The following ADAMTS15 variants were observed in gnomAD, a reference collection of about 807,000 sequenced individuals.
ADAMTS15 encodes the protein A disintegrin and metalloproteinase with thrombospondin motifs 15.
A neutral mutation model predicts 79.1 loss-of-function variants in ADAMTS15; 35 were observed. The observed-to-expected ratio is 0.44, with a 90% CI of 0.34 to 0.59. ADAMTS15 has a LOEUF of 0.59. Ranked by LOEUF, ADAMTS15 falls within the 20% of genes least tolerant of loss-of-function variation. The pLI, the probability that ADAMTS15 is intolerant of heterozygous loss-of-function variation, is 0.02. For missense variants in ADAMTS15, 1,324 were observed against 1,318.7 expected, an observed-to-expected ratio of 1.00 and a Z score of -0.06; for synonymous variants, 616 against 567.3, an observed-to-expected ratio of 1.09 and a Z score of -1.22.
intron 4 of ADAMTS15, among the ~76,000 whole-genome samples, chr11:130,467,969 T>C (rs965343092): frequency 6.6e-6 from 1 of 152,204 alleles, no homozygotes; most frequent in African/African-American, 2.4e-5. Flanking sequence ...GCATCAAGTC[T>C]GAATTATAGA....
At chr11:130,470,704 G>A (rs1431536418) in intron 5 of ADAMTS15, among the ~76,000 whole-genome samples, 1 of 152,176 alleles carries the variant, frequency 6.6e-6, no homozygotes, top group Non-Finnish European at 1.5e-5. Context: ...GGTTACTGGA[G>A]AAGGTTGTGC....
chr11:130,470,168 A>ATGTATGTATG (rs1555081039), intron 5 of ADAMTS15, among the ~76,000 whole-genome samples: 4 of 58,688 alleles, frequency 6.8e-5, no homozygotes, highest in Admixed American at 1.6e-4. Context: ...ATATATATAT[A>ATGTATGTATG]TATATATATA....
chr11:130,459,740 A>G (rs1289558206), intron 1 of ADAMTS15, among the ~76,000 whole-genome samples: 1 of 152,182 alleles, frequency 6.6e-6, no homozygotes, highest in Non-Finnish European at 1.5e-5. Flanking sequence ...AGGTGTGACT[A>G]TCATCTGACC....
chr11:130,470,174 A>ATATGTG (rs1555081057), intron 5 of ADAMTS15, among the ~76,000 whole-genome samples: 17 of 63,574 alleles, frequency 2.7e-4, no homozygotes, highest in African/African-American at 1.6e-3. Flanking sequence ...ATATATATAT[A>ATATGTG]TATATATGTG....
At position 130,448,862 on chromosome 11, in the gene ADAMTS15, C is replaced by G. The variant is rs1937887316; in HGVS notation, c.-112C>G. 1 of 796,314 alleles carries G rather than the reference C, an allele frequency of 1.3e-6. No homozygotes were observed. The highest frequency in any genetic ancestry group is 1.8e-6 in the Non-Finnish European group (1 of 570,982). 49.3% of individuals were successfully genotyped at this position (796,314 alleles called of 1,614,324 possible). Reference sequence around the variant, plus strand: ...GGCTCTCCTTTCTGGGAACTGCCGGCTGTCCCGTAGCGTTGGCGGTTCCAG... The same window carrying G: ...GGCTCTCCTTTCTGGGAACTGCCGGGTGTCCCGTAGCGTTGGCGGTTCCAG... On this transcript the variant is annotated 5_prime_UTR_variant, in exon 1 of 8. Transcript: ENST00000299164.
chr11:130,449,348 A>G lies in ADAMTS15; in HGVS notation c.375A>G (p.Gly125=). ...AAVSLCGGLR[G]AFGYRGAEYV... ...TGAGCCTGTGCGGGGGGCTCCGCGG[A>G]GCCTTTGGCTACCGAGGCGCCGAGT... Residue 125 remains glycine, a synonymous_variant, in exon 1 of 8, where the codon GGA becomes GGG. Transcript: ENST00000299164. This position sits in a 1 kb window ranked among gnomAD's most constrained non-coding sequence, Gnocchi z 7.8. 1 of 1,607,568 alleles carries G rather than the reference A, an allele frequency of 6.2e-7. No homozygotes were observed. The highest frequency in any genetic ancestry group is 8.5e-7 in the Non-Finnish European group (1 of 1,179,962).
Position 130,461,631 on chromosome 11 carries a change from G to C in ADAMTS15, c.1090+10G>C. On this transcript the variant is annotated intron_variant, in intron 2 of 7. Transcript: ENST00000299164. Reference sequence around the variant, plus strand: ...ACTGCCCACGAGCTGGGTAAGGCTGGATAAGCTCCTCCTGGGGTCTTCTGG... The same window carrying C: ...ACTGCCCACGAGCTGGGTAAGGCTGCATAAGCTCCTCCTGGGGTCTTCTGG... The C allele has an allele frequency of 1.2e-6, 2 of 1,613,990 alleles. No individual in the cohort carries two copies. Among genetic ancestry groups the C allele is most frequent in the Non-Finnish European group, 1.7e-6 (2 of 1,180,022 alleles).
In ADAMTS15 at chr11:130,474,903, GA is replaced by G. The variant is rs1043425629; in HGVS notation, c.*1084del. On this transcript the variant is annotated 3_prime_UTR_variant, in exon 8 of 8. Coordinates refer to ENST00000299164, the MANE Select transcript of ADAMTS15 (RefSeq NM_139055.4). ...GGCATGCCTAGGAGGGCTAGGTGCT[GA>G]ACATCTATGTGCCTATAAACTCGTC... The G allele has an allele frequency of 1.3e-5, 2 of 152,366 alleles. No individual in the cohort carries two copies. The highest frequency in any genetic ancestry group is 4.8e-5 in the African/African-American group (2 of 41,456). 9.4% of individuals were successfully genotyped at this position (152,366 alleles called of 1,614,324 possible).
chr11:130,449,233 C>G lies in ADAMTS15; in HGVS notation c.260C>G (p.Pro87Arg). Reference sequence around the variant, plus strand: ...TTCTCCACTGAGCATCTGGGCGTCCCCCTCCAGGGGCTCACCGGGGGCTCT... The same window carrying G: ...TTCTCCACTGAGCATCTGGGCGTCCGCCTCCAGGGGCTCACCGGGGGCTCT... ...PAFSTEHLGVPLQGLTGGSSD... is the reference protein window; with the variant it reads ...PAFSTEHLGVRLQGLTGGSSD... The change falls in exon 1 of 8, where the codon CCC becomes CGC. Residue 87 changes from proline to arginine, a missense_variant. By Grantham distance (103) the Pro-to-Arg change is moderately radical (BLOSUM62 -2). Transcript: ENST00000299164. This position sits in a 1 kb window ranked among gnomAD's most constrained non-coding sequence, Gnocchi z 7.8. 1 of 1,613,926 alleles carries G rather than the reference C, an allele frequency of 6.2e-7. No individual in the cohort carries two copies. The highest frequency in any genetic ancestry group is 8.5e-7 in the Non-Finnish European group (1 of 1,180,022).
intron 4 of ADAMTS15, among the ~76,000 whole-genome samples, chr11:130,463,376 C>T (rs1938241242): frequency 6.6e-6 from 1 of 152,218 alleles, no homozygotes; most frequent in South Asian, 2.1e-4. Context: ...CGAATAGCAA[C>T]CAAACAAGAA....
Position 130,470,184 on chromosome 11 carries a change from GTGTATA to G in ADAMTS15, c.1721-734_1721-729del, listed in dbSNP as rs1244209366. Among the ~76,000 whole-genome samples, 26 of 50,126 alleles carry G rather than the reference GTGTATA, an allele frequency of 5.2e-4. 1 individual carries two copies. The highest frequency in any genetic ancestry group is 8.5e-4 in the Admixed American group (4 of 4,692). 32.9% of individuals were successfully genotyped at this position (50,126 alleles called of 152,430 possible). ...TATATATATATATATATATATATGT[GTGTATA>G]TATATATATATATATATATGTATAT... On this transcript the variant is annotated intron_variant, in intron 5 of 7. Transcript: ENST00000299164.
intron 1 of ADAMTS15, among the ~76,000 whole-genome samples, chr11:130,454,992 C>A (rs1162972555): frequency 6.6e-6 from 1 of 151,996 alleles, no homozygotes; most frequent in Non-Finnish European, 1.5e-5. Context: ...TTGACTCGAT[C>A]ACGTGGCATG....
chr11:130,470,133 C>CATATATATATATGTGTATATATATATAT (rs1938393880), intron 5 of ADAMTS15, among the ~76,000 whole-genome samples: 1 of 74,820 alleles, frequency 1.3e-5, no homozygotes, highest in Non-Finnish European at 2.5e-5. Context: ...TATATATATA[C>CATATATATATATGTGTATATATATATAT]ATATATATAT....
intron 4 of ADAMTS15, 112 bp from the exon 5 acceptor site, chr11:130,469,150 C>G (rs894992443): frequency 9.7e-7 from 1 of 1,035,556 alleles, no homozygotes; most frequent in Admixed American, 3.1e-5. Flanking sequence ...TAATTTCATT[C>G]CAGGAAGGTG....
chr11:130,467,354 C>T (rs556774061), intron 4 of ADAMTS15, among the ~76,000 whole-genome samples: 57 of 152,084 alleles, frequency 3.7e-4, no homozygotes, highest in African/African-American at 1.0e-3. Flanking sequence ...ACGTGGGTGA[C>T]GCTGTCAGGG....
intron 1 of ADAMTS15, among the ~76,000 whole-genome samples, chr11:130,452,357 AG>A (rs1395888293): frequency 6.6e-6 from 1 of 152,222 alleles, no homozygotes; most frequent in African/African-American, 2.4e-5. Flanking sequence ...GGCTCATAAC[AG>A]CAGGGTGAGG....
chr11:130,450,376 C>T (rs149119718), intron 1 of ADAMTS15: 499 of 985,462 alleles, frequency 5.1e-4, no homozygotes, highest in Non-Finnish European at 5.7e-4. Flanking sequence ...GGTTGTAGAA[C>T]TGAAGGTGAT....
Position 130,462,367 on chromosome 11 carries a change from T to C in ADAMTS15, c.1258+113T>C. 6.7e-7 allele frequency: 1 copy of C among 1,485,536 alleles called. No individual in the cohort carries two copies. Among genetic ancestry groups the C allele is most frequent in the Admixed American group, 2.2e-5 (1 of 45,030 alleles). 92.0% of individuals were successfully genotyped at this position (1,485,536 alleles called of 1,614,324 possible). ...CTGTACATTAGGTGTGTGTGCCCCC[T>C]CGGAGCCGGGCTCTGACATGAGTGC... On this transcript the variant is annotated intron_variant, in intron 3 of 7. Transcript: ENST00000299164. This position sits in a 1 kb window ranked among gnomAD's most constrained non-coding sequence, Gnocchi z 4.3.
chr11:130,470,182 GTGTGTATATATA>G (rs1938414275), intron 5 of ADAMTS15, among the ~76,000 whole-genome samples: 15 of 72,740 alleles, frequency 2.1e-4, no homozygotes, highest in Non-Finnish European at 3.5e-4. Flanking sequence ...ATATATATAT[GTGTGTATATATA>G]TATATATATA....
Sources: gnomAD v4.1 joint callset for allele counts (sites outside exome capture counted in the v4.1 genomes callset) on GRCh38, gnomAD v4.1.1 for gene constraint, Gnocchi (gnomAD v3.1) non-coding constraint, MANE v1.5 for transcripts, NCBI Gene and HGNC (gene_info 2026-07-23, HGNC 2026-07-21) for gene names.